The following TNS1 variants were observed in gnomAD, a reference collection of about 807,000 sequenced individuals.
TNS1 encodes the protein tensin-1.
In TNS1, 62 loss-of-function variants were observed where a neutral mutation model predicts 168.6. The observed-to-expected ratio is 0.37, with a 90% CI of 0.30 to 0.45. TNS1 has a LOEUF of 0.45. TNS1 is among the 20% of genes least tolerant of loss of function. The pLI is 1.00. For missense variants in TNS1, 2,240 were observed against 2,339.4 expected (o/e 0.96, Z 0.88); for synonymous variants, 934 against 933.2 (o/e 1.00, Z -0.02).
rs1255509444 is a variant in TNS1 at position 217,995,773 on chromosome 2, C to T, written c.34-4717G>A. ...TGCCTGGTCTCTCCACACCCACACC[C>T]CTCAACCCCCACCTCTCTCAAGAGC... is the stretch of plus-strand genomic sequence containing the variant. On this transcript the variant is annotated intron_variant, in intron 1 of 32. Coordinates refer to ENST00000682258, the MANE Select transcript of TNS1 (RefSeq NM_001387777.1). This position sits in a 1 kb window ranked among gnomAD's most constrained non-coding sequence, Gnocchi z 4.1. Among the ~76,000 whole-genome samples the T allele has an allele frequency of 3.3e-5, 5 of 152,316 alleles. No homozygotes were observed. The East Asian group carries it at 7.7e-4, about 24-fold the overall frequency.
chr2:217,829,156 G>A (rs1328403926), intron 22 of TNS1, among the ~76,000 whole-genome samples: 3 of 151,736 alleles, frequency 2.0e-5, no homozygotes, highest in Non-Finnish European at 2.9e-5. Context: ...TGGGTGGATC[G>A]CCTAAGGTCA....
chr2:217,905,357 C>A, intron 6 of TNS1: 1 of 450,968 alleles, frequency 2.2e-6, no homozygotes, highest in Admixed American at 2.4e-5. Context: ...TGGAGAGGCC[C>A]CATGCGGTCC....
upstream of TNS1, chr2:218,003,071 A>G (rs1022690409): frequency 6.7e-6 from 2 of 299,516 alleles, no homozygotes; most frequent in Non-Finnish European, 1.3e-5. Context: ...CCCTCGTCCC[A>G]GCCTCCTCTC....
intron 22 of TNS1, among the ~76,000 whole-genome samples, chr2:217,831,127 A>ATGTACG (rs1944365203): frequency 6.6e-6 from 1 of 151,994 alleles, no homozygotes; most frequent in African/African-American, 2.4e-5. Flanking sequence ...ATGTGCGCCC[A>ATGTACG]TGTACGTGTA....
chr2:217,889,507 T>A (rs752593806), intron 12 of TNS1, among the ~76,000 whole-genome samples: 1 of 152,230 alleles, frequency 6.6e-6, no homozygotes, highest in Non-Finnish European at 1.5e-5. Flanking sequence ...TGCTATTCCC[T>A]CATTCTGGAT....
At position 217,995,073 on chromosome 2, in the gene TNS1, A is replaced by G. The variant is rs1250826046; in HGVS notation, c.34-4017T>C. ...AGGGACTGAAAGTGATGGGGGTGGG[A>G]CTTGCAGATGATTCAGAGAGTGGAA... On this transcript the variant is annotated intron_variant, in intron 1 of 32. Coordinates refer to ENST00000682258, the MANE Select transcript of TNS1 (RefSeq NM_001387777.1). The surrounding 1 kb of genome is among the most constrained non-coding windows in gnomAD (Gnocchi z 4.1). Among the ~76,000 whole-genome samples the G allele has an allele frequency of 2.6e-5, 4 of 152,098 alleles. No homozygotes were observed. The highest frequency in any genetic ancestry group is 6.5e-5 in the Admixed American group (1 of 15,270).
At chr2:217,937,033 C>T in intron 3 of TNS1, 1 of 456,768 alleles carries the variant, frequency 2.2e-6, no homozygotes, top group Non-Finnish European at 4.4e-6. Flanking sequence ...GTCTTTGCCC[C>T]TTTTCCTCCC....
intron 3 of TNS1, among the ~76,000 whole-genome samples, chr2:217,967,783 A>C (rs1192872764): frequency 6.6e-6 from 1 of 152,240 alleles, no homozygotes; most frequent in East Asian, 1.9e-4. Context: ...CTTCCAAAAC[A>C]TAGAAGACAA....
intron 6 of TNS1, among the ~76,000 whole-genome samples, chr2:217,905,681 C>T (rs1283238722): frequency 6.6e-6 from 1 of 152,214 alleles, no homozygotes; most frequent in African/African-American, 2.4e-5. Flanking sequence ...AGACAAAGCC[C>T]CACTGTGCTG....
At chr2:217,859,632 G>A in intron 18 of TNS1, 1 of 1,536,052 alleles carries the variant, frequency 6.5e-7, no homozygotes, top group South Asian at 1.2e-5. Context: ...GTCTGGCCAG[G>A]TATATTGATC....
Position 217,848,362 on chromosome 2 carries a change from C to T in TNS1, c.2155G>A (p.Glu719Lys). The T allele has an allele frequency of 6.5e-7, 1 of 1,541,504 alleles. No homozygotes were observed. Among genetic ancestry groups the T allele is most frequent in the Non-Finnish European group, 8.8e-7 (1 of 1,141,956 alleles). The change falls in exon 19 of 33, where the codon GAG (glutamate) becomes AAG (lysine). Residue 719 changes from glutamate to lysine, a missense_variant. Around this residue, in one of 2 missense-constraint regions of TNS1, gnomAD observed 2,131 missense variants for 2,171.2 expected, o/e 0.98. Coordinates refer to ENST00000682258, the MANE Select transcript of TNS1 (RefSeq NM_001387777.1). Reference protein sequence around the residue: ...AQEGLAGYQREGPHPAWPQPV... With the variant: ...AQEGLAGYQRKGPHPAWPQPV... ...TGTGGCCAGGCTGGGTGGGGCCCCT[C>T]CCTCTGGTAGCCAGCTAAACCCTCC...
rs570095236 is a variant in TNS1, at chr2:217,986,003, T to C, written c.148+4939A>G. Reference sequence around the variant, plus strand: ...AAAGCTCCTCCAAAAACCTTACAGCTCCTTCAGAACACAGTTTAGAGCCTC... The same window carrying C: ...AAAGCTCCTCCAAAAACCTTACAGCCCCTTCAGAACACAGTTTAGAGCCTC... On this transcript the variant is annotated intron_variant, in intron 2 of 32. Coordinates refer to ENST00000682258, the MANE Select transcript of TNS1 (RefSeq NM_001387777.1). This position sits in a 1 kb window ranked among gnomAD's most constrained non-coding sequence, Gnocchi z 4.7. 6.6e-6 allele frequency among the ~76,000 whole-genome samples: 1 copy of C among 152,224 alleles called. No homozygotes were observed. Among genetic ancestry groups the C allele is most frequent in the East Asian group, 1.9e-4 (1 of 5,170 alleles).
chr2:217,922,505 G>A (rs1955777535), intron 3 of TNS1, among the ~76,000 whole-genome samples: 1 of 152,224 alleles, frequency 6.6e-6, no homozygotes, highest in Non-Finnish European at 1.5e-5. Flanking sequence ...CACTGCCAGG[G>A]CCCCAGGTTC....
chr2:218,009,877 G>A (rs1958690332), intron 1 of TNS1, among the ~76,000 whole-genome samples: 1 of 152,158 alleles, frequency 6.6e-6, no homozygotes, highest in South Asian at 2.1e-4. Flanking sequence ...GCTGGGGGAG[G>A]GGCAGCAACT....
At chr2:217,826,116 C>T (rs969316535) in intron 22 of TNS1, among the ~76,000 whole-genome samples, 86 of 152,186 alleles carry the variant, frequency 5.7e-4, no homozygotes, top group African/African-American at 1.7e-3. Context: ...AGCTGGTCTG[C>T]CCTCCCACTG....
Position 217,890,990 on chromosome 2 carries a change from C to A in TNS1, c.838G>T (p.Val280Leu), listed in dbSNP as rs1291183468. The change falls in exon 12 of 33, where the codon GTG becomes TTG. Residue 280 changes from valine (V) to leucine (L), a missense_variant. By Grantham distance (32) the Val-to-Leu change is conservative. This residue lies in a region of TNS1 where 2,131 missense variants were observed against 2,171.2 expected (regional missense o/e 0.98). Coordinates refer to ENST00000682258, the MANE Select transcript of TNS1 (RefSeq NM_001387777.1). Reference sequence around the variant, plus strand: ...CTTTGGGATGGCTGGCCAATGGGCACAATCTTATCCTCATAGAACCGCTTC... The same window carrying A: ...CTTTGGGATGGCTGGCCAATGGGCAAAATCTTATCCTCATAGAACCGCTTC... ...AMKRFYEDKI[V>L]PIGQPSQRRY... The A allele has an allele frequency of 6.2e-7, 1 of 1,614,240 alleles. No individual in the cohort carries two copies. Among genetic ancestry groups the A allele is most frequent in the Non-Finnish European group, 8.5e-7 (1 of 1,180,048 alleles).
chr2:217,968,995 A>T (rs960874447), intron 3 of TNS1, among the ~76,000 whole-genome samples: 1 of 152,158 alleles, frequency 6.6e-6, no homozygotes. Flanking sequence ...CACCACTCCC[A>T]GCCTCAAAAT....
chr2:217,945,791 T>C (rs1957090183), intron 3 of TNS1, among the ~76,000 whole-genome samples: 1 of 152,098 alleles, frequency 6.6e-6, no homozygotes, highest in South Asian at 2.1e-4. Flanking sequence ...AACATTATCC[T>C]CCTTAACCCC....
At chr2:217,958,240 C>T (rs1467528412) in intron 3 of TNS1, among the ~76,000 whole-genome samples, 2 of 152,006 alleles carry the variant, frequency 1.3e-5, no homozygotes, top group African/African-American at 4.8e-5. Flanking sequence ...AGTGAGCAGT[C>T]GTGTAGGATG....
Sources: allele counts gnomAD v4.1 joint callset (sites outside exome capture counted in the v4.1 genomes callset), GRCh38; gene constraint gnomAD v4.1.1; regional missense constraint gnomAD v4.1.1; non-coding constraint Gnocchi (gnomAD v3.1); transcripts MANE v1.5; gene names NCBI Gene and HGNC (gene_info 2026-07-23, HGNC 2026-07-21).